The following WWOX variants were observed in gnomAD, a reference collection of about 807,000 sequenced individuals.
The protein encoded by WWOX is WW domain-containing oxidoreductase.
A neutral mutation model predicts 46.2 loss-of-function variants in WWOX; 69 were observed. The observed-to-expected ratio is 1.49, with a 90% CI of 1.23 to 1.82. The LOEUF is 1.82. Among genes scored for constraint, WWOX ranks in the 40% most tolerant of loss-of-function variants. WWOX has a pLI of 0.00. For synonymous variants in WWOX, 359 were observed against 202.6 expected, an observed-to-expected ratio of 1.77 and a Z score of -6.56; for missense variants, 919 against 542.6, an observed-to-expected ratio of 1.69 and a Z score of -6.89.
At chr16:78,972,177 A>G (rs967905871) in intron 8 of WWOX, among the ~76,000 whole-genome samples, 2 of 152,180 alleles carry the variant, frequency 1.3e-5, no homozygotes, top group African/African-American at 4.8e-5. Context: ...TCCAGATGAA[A>G]CTGGGCTCCC....
At chr16:78,654,994 A>C (rs1319034399) in intron 8 of WWOX, among the ~76,000 whole-genome samples, 1 of 152,098 alleles carries the variant, frequency 6.6e-6, no homozygotes, top group African/African-American at 2.4e-5. Flanking sequence ...ACCACATCCA[A>C]ATGTCTGAGT....
chr16:78,979,786 C>G (rs191524085), intron 8 of WWOX, among the ~76,000 whole-genome samples: 1 of 152,126 alleles, frequency 6.6e-6, no homozygotes, highest in Non-Finnish European at 1.5e-5. Flanking sequence ...GAAAACTGCA[C>G]TGCATTTATC....
intron 8 of WWOX, among the ~76,000 whole-genome samples, chr16:78,748,415 C>T (rs779408905): frequency 1.8e-4 from 27 of 152,186 alleles, no homozygotes; most frequent in African/African-American, 4.1e-4. Flanking sequence ...CATTTTTCCA[C>T]GCCAAGCCCT....
At chr16:79,066,133 C>G (rs1290567376) in intron 8 of WWOX, among the ~76,000 whole-genome samples, 2 of 152,152 alleles carry the variant, frequency 1.3e-5, no homozygotes, top group African/African-American at 4.8e-5. Context: ...GCCCAAGAAC[C>G]TTTTCATCTA....
chr16:78,379,968 A>G (rs79617809), intron 5 of WWOX, among the ~76,000 whole-genome samples: 1,596 of 152,288 alleles, frequency 0.01, 34 homozygotes, highest in Non-Finnish European at 0.01. Context: ...AATCTGGAAA[A>G]CGCATTCATC....
chr16:78,110,793 C>A (rs1033082305), intron 3 of WWOX, among the ~76,000 whole-genome samples: 3 of 152,144 alleles, frequency 2.0e-5, no homozygotes, highest in African/African-American at 7.2e-5. Context: ...GTGACACAGA[C>A]TTGAGGGGGT....
chr16:78,531,587 A>G (rs2043622898), intron 8 of WWOX, among the ~76,000 whole-genome samples: 1 of 152,176 alleles, frequency 6.6e-6, no homozygotes, highest in South Asian at 2.1e-4. Flanking sequence ...TCATGACTGT[A>G]ATCCCAGCAC....
chr16:78,568,067 G>A (rs181101779), intron 8 of WWOX, among the ~76,000 whole-genome samples: 6 of 152,300 alleles, frequency 3.9e-5, no homozygotes, highest in Non-Finnish European at 7.4e-5. Context: ...GTGCCTGCGA[G>A]AGACTCTTAG....
chr16:79,098,183 C>G (rs2049115707), intron 8 of WWOX, among the ~76,000 whole-genome samples: 1 of 152,172 alleles, frequency 6.6e-6, no homozygotes, highest in Non-Finnish European at 1.5e-5. Context: ...ACACAGATGC[C>G]TGGGCCTCAC....
chr16:78,725,693 G>A (rs11866390), intron 8 of WWOX, among the ~76,000 whole-genome samples: 3,814 of 152,018 alleles, frequency 0.025, 159 homozygotes, highest in African/African-American at 0.087. Context: ...CAACAGAAAT[G>A]TATCATCTCA....
intron 8 of WWOX, among the ~76,000 whole-genome samples, chr16:79,168,105 C>T (rs143405640): frequency 5.2e-4 from 79 of 152,242 alleles, no homozygotes; most frequent in African/African-American, 1.9e-3. Flanking sequence ...CATGGATATA[C>T]CACATCTTGT....
intron 8 of WWOX, among the ~76,000 whole-genome samples, chr16:78,731,319 C>T (rs1348337353): frequency 6.6e-6 from 1 of 152,174 alleles, no homozygotes; most frequent in Non-Finnish European, 1.5e-5. Flanking sequence ...GCCAATTCCT[C>T]TGCTTTTTCA....
intron 8 of WWOX, among the ~76,000 whole-genome samples, chr16:79,180,718 T>A (rs1423696730): frequency 6.6e-6 from 1 of 152,110 alleles, no homozygotes; most frequent in Non-Finnish European, 1.5e-5. Flanking sequence ...TCCTTTCTTG[T>A]CTCCCTGTCT....
intron 8 of WWOX, among the ~76,000 whole-genome samples, chr16:79,195,103 A>T (rs2051212641): frequency 6.6e-6 from 1 of 152,120 alleles, no homozygotes; most frequent in Non-Finnish European, 1.5e-5. Context: ...CGTATCTCAG[A>T]TTTACAGAGG....
chr16:78,362,132 T>C (rs1357633469), intron 5 of WWOX, among the ~76,000 whole-genome samples: 1 of 152,100 alleles, frequency 6.6e-6, no homozygotes, highest in East Asian at 1.9e-4. Flanking sequence ...CCGGTGGCCA[T>C]AGGCTGGTGA....
chr16:78,249,903 C>T (rs141251842), intron 5 of WWOX, among the ~76,000 whole-genome samples: 424 of 152,092 alleles, frequency 2.8e-3, no homozygotes, highest in Non-Finnish European at 4.0e-3. Context: ...GAGGAAAGGG[C>T]GAGTGAGATA....
At chr16:79,091,068 A>C (rs925029969) in intron 8 of WWOX, among the ~76,000 whole-genome samples, 1 of 152,126 alleles carries the variant, frequency 6.6e-6, no homozygotes, top group Non-Finnish European at 1.5e-5. Flanking sequence ...GATTATAGGC[A>C]CAAGCCACCG....
In WWOX at chr16:79,169,064, C is replaced by T. The variant is rs554521183; in HGVS notation, c.1057-42544C>T. 5.9e-5 allele frequency among the ~76,000 whole-genome samples: 9 copies of T among 152,234 alleles called. 1 individual carries two copies. Among genetic ancestry groups the T allele is most frequent in the Admixed American group, 2.6e-4 (4 of 15,280 alleles). On this transcript the variant is annotated intron_variant, in intron 8 of 8. Coordinates refer to ENST00000566780, the MANE Select transcript of WWOX (RefSeq NM_016373.4). ...TAGATACAAATTAATACGGGCAAGG[C>T]GTGTGCTAGCTGTTTTATAAACATG...
At chr16:79,024,795 A>T (rs554462824) in intron 8 of WWOX, among the ~76,000 whole-genome samples, 1 of 151,692 alleles carries the variant, frequency 6.6e-6, no homozygotes, top group South Asian at 2.1e-4. Flanking sequence ...TGATCTCAAA[A>T]TCCTGGCCTC....
Sources: allele counts gnomAD v4.1 joint callset (sites outside exome capture counted in the v4.1 genomes callset), GRCh38; gene constraint gnomAD v4.1.1; transcripts MANE v1.5; gene names NCBI Gene and HGNC (gene_info 2026-07-23, HGNC 2026-07-21).